The following ADARB1 variants were observed in gnomAD, a reference collection of about 807,000 sequenced individuals.
ADARB1 encodes the protein double-stranded RNA-specific editase 1.
ADARB1 carries 10 observed loss-of-function variants against 52.4 expected under a neutral mutation model. That is an observed-to-expected ratio of 0.19 (90% CI 0.12 to 0.32). ADARB1 has a LOEUF of 0.32. Among genes scored for constraint, ADARB1 ranks in the 10% least tolerant of loss-of-function variants. The probability of loss-of-function intolerance (pLI) is 1.00; values close to 1 mark genes in which losing one functional copy is unlikely to be tolerated. For missense variants in ADARB1, 643 were observed against 922.3 expected (o/e 0.70, Z 3.92); for synonymous variants, 349 against 371.1 (o/e 0.94, Z 0.68).
chr21:45,225,448 G>A lies in ADARB1; in HGVS notation c.*3251G>A. The A allele has an allele frequency of 7.7e-7, 1 of 1,306,084 alleles. No individual in the cohort carries two copies. The highest frequency in any genetic ancestry group is 1.5e-5 in the African/African-American group (1 of 66,480). 80.9% of individuals were successfully genotyped at this position (1,306,084 alleles called of 1,614,324 possible). On this transcript the variant is annotated 3_prime_UTR_variant, in exon 11 of 11. Transcript: ENST00000348831. ...AGTATCTCACAAGGCATGGATTTCTGTGGAATTTATTTTTATTCAAATAAC... is the reference window on the plus strand; with the variant it reads ...AGTATCTCACAAGGCATGGATTTCTATGGAATTTATTTTTATTCAAATAAC...
intron 2 of ADARB1, among the ~76,000 whole-genome samples, chr21:45,163,878 C>T (rs1214823311): frequency 6.6e-6 from 1 of 152,160 alleles, no homozygotes; most frequent in East Asian, 1.9e-4. Flanking sequence ...GGCCATTGGC[C>T]CTGCTCCTGT....
intron 2 of ADARB1, among the ~76,000 whole-genome samples, chr21:45,162,345 C>A (rs1351461881): frequency 2.0e-5 from 3 of 152,174 alleles, no homozygotes; most frequent in Non-Finnish European, 4.4e-5. Context: ...CCCGTCTCGC[C>A]TGCCTGGCTG....
intron 1 of ADARB1, among the ~76,000 whole-genome samples, chr21:45,114,340 A>G (rs2087713836): frequency 6.6e-6 from 1 of 152,196 alleles, no homozygotes. Context: ...ATTGTGACAT[A>G]CTTGTCCACA....
intron 2 of ADARB1, among the ~76,000 whole-genome samples, chr21:45,139,014 G>A (rs1261592388): frequency 3.3e-5 from 5 of 151,760 alleles, no homozygotes; most frequent in Non-Finnish European, 5.9e-5. Flanking sequence ...TCCGCCTCTC[G>A]GGTTCAAGCG....
chr21:45,166,459 C>T (rs1384602866), intron 2 of ADARB1, among the ~76,000 whole-genome samples: 2 of 152,168 alleles, frequency 1.3e-5, no homozygotes, highest in Non-Finnish European at 2.9e-5. Flanking sequence ...GTTCATATGT[C>T]CCTGATTTAA....
At chr21:45,086,056 G>T (rs1051850090) in intron 1 of ADARB1, among the ~76,000 whole-genome samples, 1 of 152,168 alleles carries the variant, frequency 6.6e-6, no homozygotes, top group Admixed American at 6.5e-5. Context: ...TTTGAGCTAC[G>T]GTGTAGAATG....
chr21:45,079,360 A>G (rs1035477532), intron 1 of ADARB1, among the ~76,000 whole-genome samples: 2 of 152,402 alleles, frequency 1.3e-5, no homozygotes, highest in South Asian at 2.1e-4. Flanking sequence ...AAAGGAAAAT[A>G]CAAGTAAAAT....
chr21:45,150,859 T>G (rs1201968552), intron 2 of ADARB1, among the ~76,000 whole-genome samples: 1 of 152,234 alleles, frequency 6.6e-6, no homozygotes, highest in Non-Finnish European at 1.5e-5. Context: ...TGACCGTCAC[T>G]CGTGCCAGGA....
intron 1 of ADARB1, among the ~76,000 whole-genome samples, chr21:45,081,811 G>A (rs1346480588): frequency 6.6e-6 from 1 of 152,198 alleles, no homozygotes; most frequent in Non-Finnish European, 1.5e-5. Flanking sequence ...TGGCTAGAAG[G>A]ATAGCCTGCC....
rs754639016 is a variant in ADARB1, at chr21:45,180,343, C to T, written c.977C>T (p.Ala326Val). 6.2e-7 allele frequency: 1 copy of T among 1,614,020 alleles called. No homozygotes were observed. Among genetic ancestry groups the T allele is most frequent in the Non-Finnish European group, 8.5e-7 (1 of 1,179,932 alleles). Residue 326 changes from alanine to valine, a missense_variant, in exon 5 of 11, where the codon GCT (alanine) becomes GTT (valine). Coordinates refer to ENST00000348831, the MANE Select transcript of ADARB1 (RefSeq NM_001112.4). ...CTTCCCACACAGGTTTTAGCTGACG[C>T]TGTCTCACGCCTGGTCCTGGGTAAG... ...QLHLPQVLAD[A>V]VSRLVLGKFG...
At chr21:45,091,432 A>G (rs1215538634) in intron 1 of ADARB1, among the ~76,000 whole-genome samples, 1 of 152,218 alleles carries the variant, frequency 6.6e-6, no homozygotes, top group African/African-American at 2.4e-5. Context: ...GTAATACTAC[A>G]GTTTGGTGAA....
chr21:45,210,237 C>T (rs2092741708), intron 9 of ADARB1, among the ~76,000 whole-genome samples: 1 of 152,114 alleles, frequency 6.6e-6, no homozygotes, highest in Admixed American at 6.5e-5. Context: ...TTGGAACTGT[C>T]TAGAAAAGTT....
In ADARB1 at chr21:45,139,109, C is replaced by T. The variant is rs1045997248; in HGVS notation, c.-48+10536C>T. Among the ~76,000 whole-genome samples the T allele has an allele frequency of 7.2e-5, 11 of 152,090 alleles. No individual in the cohort carries two copies. The East Asian group carries it at 1.7e-3, about 24-fold the overall frequency. ...CTAATTTTTGTAGTTTTTGTAGAGA[C>T]GGGGTTTTGCTGTGTTGCCCAGGCT... On this transcript the variant is annotated intron_variant, in intron 2 of 10. Coordinates refer to ENST00000348831, the MANE Select transcript of ADARB1 (RefSeq NM_001112.4).
intron 8 of ADARB1, among the ~76,000 whole-genome samples, chr21:45,185,676 T>G (rs1359814889): frequency 6.6e-6 from 1 of 152,194 alleles, no homozygotes; most frequent in Non-Finnish European, 1.5e-5. Flanking sequence ...CAGAGCAGAT[T>G]ATAGAAAACC....
intron 4 of ADARB1, among the ~76,000 whole-genome samples, chr21:45,178,862 T>C (rs932216897): frequency 5.3e-5 from 8 of 152,280 alleles, no homozygotes; most frequent in African/African-American, 1.9e-4. Context: ...GCCCTGGCCA[T>C]GTGCCTCAGA....
chr21:45,134,005 C>T (rs868121791), intron 2 of ADARB1, among the ~76,000 whole-genome samples: 6 of 92,462 alleles, frequency 6.5e-5, no homozygotes, highest in African/African-American at 1.3e-4. Flanking sequence ...GTGCGCCCGA[C>T]GGGTGTGTGT....
chr21:45,220,482 G>T lies in ADARB1; in HGVS notation c.1748-354G>T, dbSNP rs371150162. Among the ~76,000 whole-genome samples, 1 of 152,150 alleles carries T rather than the reference G, an allele frequency of 6.6e-6. No individual in the cohort carries two copies. The highest frequency in any genetic ancestry group is 1.5e-5 in the Non-Finnish European group (1 of 68,022). On this transcript the variant is annotated intron_variant, in intron 9 of 10. Coordinates refer to ENST00000348831, the MANE Select transcript of ADARB1 (RefSeq NM_001112.4). The surrounding 1 kb of genome is among the most constrained non-coding windows in gnomAD (Gnocchi z 6.3). Reference sequence around the variant, plus strand: ...GTGGCTCCCACCCATCCACTCTCAGGCTGCCAAGGTTCCTGGCTCCGTCAG... The same window carrying T: ...GTGGCTCCCACCCATCCACTCTCAGTCTGCCAAGGTTCCTGGCTCCGTCAG...
intron 1 of ADARB1, 115 bp downstream of exon 1, chr21:45,074,908 C>G (rs1309336858): frequency 1.3e-5 from 2 of 150,206 alleles, no homozygotes; most frequent in Non-Finnish European, 3.0e-5. Context: ...AGCTGCGGGC[C>G]GTCCCGGGAG....
Position 45,223,533 on chromosome 21 carries a change from C to T in ADARB1, c.*1336C>T. 1 of 985,688 alleles carries T rather than the reference C, an allele frequency of 1.0e-6. No homozygotes were observed. Among genetic ancestry groups the T allele is most frequent in the Non-Finnish European group, 1.2e-6 (1 of 830,132 alleles). 61.1% of individuals were successfully genotyped at this position (985,688 alleles called of 1,614,324 possible). A position where few individuals can be genotyped will look rare whatever the true frequency, so the allele number is the denominator to read the frequency against. On this transcript the variant is annotated 3_prime_UTR_variant, in exon 11 of 11. Coordinates refer to ENST00000348831, the MANE Select transcript of ADARB1 (RefSeq NM_001112.4). ...AAGAGGAGCTGAGAGAAGTGCTCTG[C>T]CTGCCAGTGCAGTGCCCAGCTCCAA...
Sources: gnomAD v4.1 joint callset for allele counts (sites outside exome capture counted in the v4.1 genomes callset) on GRCh38, gnomAD v4.1.1 for gene constraint, Gnocchi (gnomAD v3.1) non-coding constraint, MANE v1.5 for transcripts, NCBI Gene and HGNC (gene_info 2026-07-23, HGNC 2026-07-21) for gene names.